Variants in TMEM259 observed in about 807,000 individuals in gnomAD.
TMEM259 encodes the protein membralin.
TMEM259 carries 26 observed loss-of-function variants against 46.7 expected under a neutral mutation model. The ratio of observed to expected loss-of-function variants is 0.56; its 90% CI spans 0.41 to 0.77. The LOEUF is 0.77. Among genes scored for constraint, TMEM259 ranks in the 30% least tolerant of loss-of-function variants. The pLI is 0.00. For synonymous variants in TMEM259, 494 were observed against 395.1 expected, an observed-to-expected ratio of 1.25 and a Z score of -2.97; for missense variants, 930 against 900.5, an observed-to-expected ratio of 1.03 and a Z score of -0.42.
chr19:1,020,624 C>T lies in TMEM259; in HGVS notation c.225+148G>A, dbSNP rs1341898742. ...CAGGGTCAGAGGTCGCGAGGGAGAGCCCTAATCGGTAGGGCCGGGTATAGG... is the reference window on the plus strand; with the variant it reads ...CAGGGTCAGAGGTCGCGAGGGAGAGTCCTAATCGGTAGGGCCGGGTATAGG... On this transcript the variant is annotated intron_variant, in intron 1 of 10. Coordinates refer to ENST00000356663, the MANE Select transcript of TMEM259 (RefSeq NM_001033026.2). The surrounding 1 kb of genome is among the most constrained non-coding windows in gnomAD (Gnocchi z 4.0). 2.1e-6 allele frequency: 1 copy of T among 482,286 alleles called. No homozygotes were observed. The highest frequency in any genetic ancestry group is 3.3e-6 in the Non-Finnish European group (1 of 302,510). The allele number at this position is 482,286 out of a possible 1,614,324, so 29.9% of individuals were successfully genotyped here.
Position 1,020,827 on chromosome 19 carries a change from G to A in TMEM259, c.170C>T (p.Ser57Leu), listed in dbSNP as rs768401692. 1.5e-5 allele frequency: 21 copies of A among 1,374,714 alleles called. No individual in the cohort carries two copies. Among genetic ancestry groups the A allele is most frequent in the Non-Finnish European group, 1.9e-5 (20 of 1,058,764 alleles). 85.2% of individuals were successfully genotyped at this position (1,374,714 alleles called of 1,614,324 possible). ...GCGGAAGGCGGGCGGGAAGAGCCGC[G>A]AATAGGTGACAGCCATCTTGAAGAA... ...ALFFKMAVTY[S>L]RLFPPAFRRL... The change falls in exon 1 of 11, where the codon TCG becomes TTG. Residue 57 changes from serine to leucine, a missense_variant. Transcript: ENST00000356663. The surrounding 1 kb of genome is among the most constrained non-coding windows in gnomAD (Gnocchi z 4.0).
intron 1 of TMEM259, among the ~76,000 whole-genome samples, chr19:1,016,172 C>G (rs1480984098): frequency 6.6e-6 from 1 of 152,226 alleles, no homozygotes; most frequent in East Asian, 1.9e-4. Flanking sequence ...CAGGCCCCGC[C>G]CACAGACGCC....
chr19:1,010,297 TCGGGAAGGTCA>T lies in TMEM259; in HGVS notation c.*42_*52del, dbSNP rs2038857426. The T allele has an allele frequency of 2.9e-6, 4 of 1,394,804 alleles. No homozygotes were observed. The highest frequency in any genetic ancestry group is 2.8e-6 in the Non-Finnish European group (3 of 1,077,802). The allele number at this position is 1,394,804 out of a possible 1,614,324, so 86.4% of individuals were successfully genotyped here. ...GCTGGCCTCCCCCACCCCCACGGGC[TCGGGAAGGTCA>T]GGCCCAGCCAGCAGGGGTCAGAGGC... On this transcript the variant is annotated 3_prime_UTR_variant, in exon 11 of 11. Coordinates refer to ENST00000356663, the MANE Select transcript of TMEM259 (RefSeq NM_001033026.2).
Position 1,009,915 on chromosome 19 carries a change from A to C in TMEM259, c.*435T>G, listed in dbSNP as rs13160. 1 of 336,838 alleles carries C rather than the reference A, an allele frequency of 3.0e-6. No homozygotes were observed. The highest frequency in any genetic ancestry group is 5.4e-6 in the Non-Finnish European group (1 of 185,170). The allele number at this position is 336,838 out of a possible 1,614,324, so 20.9% of individuals were successfully genotyped here. On this transcript the variant is annotated 3_prime_UTR_variant, in exon 11 of 11. Transcript: ENST00000356663. ...GCGCACACGCGGGGAGGGCGGGGCC[A>C]TGGAGAAGGCACTGCAGGGAGCACC... is the stretch of plus-strand genomic sequence containing the variant.
At chr19:1,013,163 G>A (rs2038994889) in intron 3 of TMEM259, 78 bp downstream of exon 3, 2 of 1,309,558 alleles carry the variant, frequency 1.5e-6, no homozygotes, top group Non-Finnish European at 2.2e-6. Flanking sequence ...GGGATGTTCG[G>A]AGGGACCCCG....
At chr19:1,018,898 G>A (rs1292477868) in intron 1 of TMEM259, among the ~76,000 whole-genome samples, 1 of 150,940 alleles carries the variant, frequency 6.6e-6, no homozygotes. Context: ...TGAGGCAGAA[G>A]AATTGCTTGA....
In TMEM259 at chr19:1,010,097, A is replaced by G; in HGVS notation, c.*253T>C. On this transcript the variant is annotated 3_prime_UTR_variant, in exon 11 of 11. Transcript: ENST00000356663. ...TGCAGACCTACCAAGACCCCTCCAG[A>G]ACCTTCCGCGGAACCCCACCCCCTC... 2.0e-6 allele frequency: 1 copy of G among 488,004 alleles called. No homozygotes were observed. The highest frequency in any genetic ancestry group is 3.6e-6 in the Non-Finnish European group (1 of 279,396). The allele number at this position is 488,004 out of a possible 1,614,324, so 30.2% of individuals were successfully genotyped here.
chr19:1,011,229 G>A, intron 9 of TMEM259, 34 bp from the exon 10 acceptor site: 1 of 1,556,648 alleles, frequency 6.4e-7, no homozygotes, highest in Non-Finnish European at 8.7e-7. Flanking sequence ...GGGGCTGCAG[G>A]TCCCACCCTG....
chr19:1,020,800 C>A lies in TMEM259; in HGVS notation c.197G>T (p.Arg66Leu). 2 of 1,348,994 alleles carry A rather than the reference C, an allele frequency of 1.5e-6. No homozygotes were observed. Among genetic ancestry groups the A allele is most frequent in the Non-Finnish European group, 9.6e-7 (1 of 1,046,504 alleles). The allele number at this position is 1,348,994 out of a possible 1,614,324, so 83.6% of individuals were successfully genotyped here. A position where few individuals can be genotyped will look rare whatever the true frequency, so the allele number is the denominator to read the frequency against. Residue 66 changes from arginine (R) to leucine (L), a missense_variant, in exon 1 of 11, where the codon CGT becomes CTT. Physicochemically the swap from Arg to Leu is moderately radical, Grantham distance 102. Transcript: ENST00000356663. The surrounding 1 kb of genome is among the most constrained non-coding windows in gnomAD (Gnocchi z 4.0). ...GAGCAGCACGAAGAACTCGAAGAGA[C>A]GGCGGAAGGCGGGCGGGAAGAGCCG... ...YSRLFPPAFRRLFEFFVLLKA... is the reference protein window; with the variant it reads ...YSRLFPPAFRLLFEFFVLLKA...
Position 1,014,204 on chromosome 19 carries a change from G to A in TMEM259, c.495C>T (p.Asn165=). ...EEELTMEMFG[N]SSIKFELDIE... ...AGGCCTGGCTCACCTTGATGGAGCT[G>A]TTCCCAAACATCTCCATGGTCAGCT... is the stretch of plus-strand genomic sequence containing the variant. Residue 165 remains asparagine (N), a synonymous_variant, in exon 2 of 11, where the codon AAC becomes AAT. Coordinates refer to ENST00000356663, the MANE Select transcript of TMEM259 (RefSeq NM_001033026.2). 6.2e-7 allele frequency: 1 copy of A among 1,607,382 alleles called. No homozygotes were observed. The highest frequency in any genetic ancestry group is 8.5e-7 in the Non-Finnish European group (1 of 1,174,732).
Position 1,010,704 on chromosome 19 carries a change from G to C in TMEM259, c.1509C>G (p.Gly503=). The change falls in exon 11 of 11, where the codon GGC becomes GGG. Residue 503 remains glycine, a synonymous_variant. Coordinates refer to ENST00000356663, the MANE Select transcript of TMEM259 (RefSeq NM_001033026.2). ...TCCCGCTGGCCCCAGGCGAGACGGG[G>C]CCCAGGGCGGGGGGCTGGCCGGCAG... ...PDSAGQPPAL[G]PVSPGASGSP... 1 of 1,529,658 alleles carries C rather than the reference G, an allele frequency of 6.5e-7. No individual in the cohort carries two copies. Among genetic ancestry groups the C allele is most frequent in the Non-Finnish European group, 8.7e-7 (1 of 1,144,262 alleles). 94.8% of individuals were successfully genotyped at this position (1,529,658 alleles called of 1,614,324 possible).
rs1350010325 is a variant in TMEM259, at chr19:1,011,587, G to A, written c.1077C>T (p.Ala359=). Residue 359 remains alanine (A), a synonymous_variant, in exon 8 of 11, where the codon GCC becomes GCT. Coordinates refer to ENST00000356663, the MANE Select transcript of TMEM259 (RefSeq NM_001033026.2). The part of the protein sequence containing the change: ...PAAPLLTVIL[A]LVGMEAIMSE... Reference sequence around the variant, plus strand: ...GCCGGGTGGGGTCCTCACCGACGAGGGCCAGGATGACGGTCAGCAGGGGCG... The same window carrying A: ...GCCGGGTGGGGTCCTCACCGACGAGAGCCAGGATGACGGTCAGCAGGGGCG... The A allele has an allele frequency of 6.5e-7, 1 of 1,544,112 alleles. No individual in the cohort carries two copies. The highest frequency in any genetic ancestry group is 8.7e-7 in the Non-Finnish European group (1 of 1,145,334).
At chr19:1,014,579 G>T in intron 1 of TMEM259, 106 bp from the exon 2 acceptor site, 1 of 1,320,740 alleles carries the variant, frequency 7.6e-7, no homozygotes, top group Non-Finnish European at 1.0e-6. Flanking sequence ...CGCCCAGGAC[G>T]GGGAAAGGAA....
At chr19:1,011,052 A>G in intron 10 of TMEM259, 44 bp downstream of exon 10, 1 of 1,559,540 alleles carries the variant, frequency 6.4e-7, no homozygotes, top group South Asian at 1.2e-5. Flanking sequence ...TCCTGCCTGG[A>G]AAGGCACGGC....
chr19:1,011,836 G>A (rs756185577), intron 6 of TMEM259, 38 bp from the exon 7 acceptor site: 24 of 1,589,978 alleles, frequency 1.5e-5, no homozygotes, highest in East Asian at 2.3e-5. Context: ...GAGGGGCTGC[G>A]AGGGCCTGCT....
Position 1,010,474 on chromosome 19 carries a change from G to A in TMEM259, c.1739C>T (p.Pro580Leu), listed in dbSNP as rs1348502352. ...LGPAGGLPHA[P>L]QDSVPPSDSA... is the part of the protein sequence containing the mutation. ...GTCACTCGGGGGGACACTGTCCTGG[G>A]GGGCGTGGGGGAGGCCCCCAGCAGG... Residue 580 changes from proline to leucine, a missense_variant, in exon 11 of 11, where the codon CCC becomes CTC. By Grantham distance (98) the Pro-to-Leu change is moderately conservative (BLOSUM62 -3). Transcript: ENST00000356663. 1.0e-5 allele frequency: 16 copies of A among 1,545,652 alleles called. No homozygotes were observed. The South Asian group carries it at 1.5e-4, about 15-fold the overall frequency.
At chr19:1,011,712 GC>G in intron 7 of TMEM259, 28 bp downstream of exon 7, 1 of 1,531,624 alleles carries the variant, frequency 6.5e-7, no homozygotes, top group Non-Finnish European at 8.8e-7. Flanking sequence ...GAGGACGCCC[GC>G]CCCGCCCTGC....
chr19:1,013,912 C>G (rs34880402), intron 2 of TMEM259, among the ~76,000 whole-genome samples: 1 of 152,138 alleles, frequency 6.6e-6, no homozygotes, highest in African/African-American at 2.4e-5. Context: ...ATCCCCTCCC[C>G]GGAACAGCTA....
Position 1,010,712 on chromosome 19 carries a change from C to CG in TMEM259, c.1500dup (p.Ala501ArgfsTer37), listed in dbSNP as rs2038879094. On this transcript the variant is annotated frameshift_variant, in exon 11 of 11. Coordinates refer to ENST00000356663, the MANE Select transcript of TMEM259 (RefSeq NM_001033026.2). LOFTEE classifies it low-confidence loss of function (END_TRUNC). Reference sequence around the variant, plus strand: ...GCCCCAGGCGAGACGGGGCCCAGGGCGGGGGGCTGGCCGGCAGAGTCAGGG... The same window carrying CG: ...GCCCCAGGCGAGACGGGGCCCAGGGCGGGGGGGCTGGCCGGCAGAGTCAGGG... The CG allele has an allele frequency of 2.6e-6, 4 of 1,528,858 alleles. No homozygotes were observed. Among genetic ancestry groups the CG allele is most frequent in the Non-Finnish European group, 2.6e-6 (3 of 1,144,016 alleles). 94.7% of individuals were successfully genotyped at this position (1,528,858 alleles called of 1,614,324 possible). A position where few individuals can be genotyped will look rare whatever the true frequency, so the allele number is the denominator to read the frequency against.
Sources: gnomAD v4.1 joint callset for allele counts (sites outside exome capture counted in the v4.1 genomes callset) on GRCh38, gnomAD v4.1.1 for gene constraint, Gnocchi (gnomAD v3.1) non-coding constraint, MANE v1.5 for transcripts, NCBI Gene and HGNC (gene_info 2026-07-23, HGNC 2026-07-21) for gene names.